GLI2: variants seen among roughly 807,000 people sequenced by gnomAD.
GLI2 encodes the protein transcription activator GLI2.
GLI2 carries 22 observed loss-of-function variants against 78.9 expected under a neutral mutation model. That is an observed-to-expected ratio of 0.28 (90% CI 0.20 to 0.40). GLI2 has a LOEUF of 0.40. Among genes scored for constraint, GLI2 ranks in the 10% least tolerant of loss-of-function variants. GLI2 has a pLI of 1.00. For missense variants in GLI2, 2,097 were observed against 2,213.2 expected (o/e 0.95, Z 1.05); for synonymous variants, 974 against 963.7 (o/e 1.01, Z -0.20).
chr2:120,920,496 C>T (rs1242340234), intron 2 of GLI2, among the ~76,000 whole-genome samples: 1 of 152,218 alleles, frequency 6.6e-6, no homozygotes, highest in Non-Finnish European at 1.5e-5. Context: ...CTGTCCTTGC[C>T]CCCTCACTGC....
intron 2 of GLI2, among the ~76,000 whole-genome samples, chr2:120,882,585 G>C (rs773403904): frequency 7.2e-5 from 11 of 152,234 alleles, no homozygotes; most frequent in Non-Finnish European, 1.3e-4. Flanking sequence ...GGCCTGCTGG[G>C]CTGTCTTTGA....
intron 1 of GLI2, among the ~76,000 whole-genome samples, chr2:120,771,179 A>G (rs563722765): frequency 2.0e-5 from 3 of 152,304 alleles, no homozygotes; most frequent in African/African-American, 4.8e-5. Context: ...TGTGCTCTGC[A>G]TGAGGAGGCG....
intron 2 of GLI2, among the ~76,000 whole-genome samples, chr2:120,914,079 C>G (rs1439778131): frequency 6.6e-6 from 1 of 152,234 alleles, no homozygotes; most frequent in East Asian, 1.9e-4. Flanking sequence ...CCGTGGGGAC[C>G]AGACAGAGGA....
intron 1 of GLI2, among the ~76,000 whole-genome samples, chr2:120,742,454 A>G (rs1396804985): frequency 6.6e-6 from 1 of 152,192 alleles, no homozygotes; most frequent in East Asian, 1.9e-4. Flanking sequence ...CACTTGTGCT[A>G]AGTTGAATTG....
intron 3 of GLI2, among the ~76,000 whole-genome samples, chr2:120,944,901 A>G (rs1239685685): frequency 6.6e-6 from 1 of 152,266 alleles, no homozygotes; most frequent in Non-Finnish European, 1.5e-5. Context: ...CAGCAGCCAC[A>G]GAGTTAACAC....
intron 1 of GLI2, among the ~76,000 whole-genome samples, chr2:120,773,244 AAG>A (rs923720932): frequency 2.0e-5 from 3 of 152,094 alleles, no homozygotes; most frequent in Admixed American, 2.0e-4. Flanking sequence ...AAAGGGGAGA[AAG>A]AGCCAGTCTT....
rs377416912 is a variant in GLI2, at chr2:120,745,643, T to C, written c.-31+9358T>C. Reference sequence around the variant, plus strand: ...ACCATGTGGGGTGGCTTCTGGGGCTTTGATTCATACAGTTTTGCACTGCAG... The same window carrying C: ...ACCATGTGGGGTGGCTTCTGGGGCTCTGATTCATACAGTTTTGCACTGCAG... On this transcript the variant is annotated intron_variant, in intron 1 of 13. Coordinates refer to ENST00000361492, the MANE Select transcript of GLI2 (RefSeq NM_001374353.1). Among the ~76,000 whole-genome samples the C allele has an allele frequency of 1.6e-4, 25 of 152,248 alleles. No homozygotes were observed. In the East Asian group the frequency reaches 4.3e-3, roughly 26 times the overall value.
chr2:120,928,221 C>T lies in GLI2; in HGVS notation c.254+755C>T, dbSNP rs74970931. On this transcript the variant is annotated intron_variant, in intron 3 of 13. Transcript: ENST00000361492. ...GGTCAGCCAGCCCCAAGACCCCTCT[C>T]GACCCAGCATCTTCATGCCCACACC... 2.5e-3 allele frequency among the ~76,000 whole-genome samples: 385 copies of T among 152,224 alleles called. 3 individuals carry two copies. The highest frequency in any genetic ancestry group is 8.8e-3 in the African/African-American group (365 of 41,532).
intron 2 of GLI2, among the ~76,000 whole-genome samples, chr2:120,882,476 A>G (rs555105915): frequency 6.6e-6 from 1 of 152,362 alleles, no homozygotes; most frequent in African/African-American, 2.4e-5. Flanking sequence ...AGTCCCTCCA[A>G]AGCTCTGTGA....
At chr2:120,851,662 G>A (rs111952654) in intron 2 of GLI2, among the ~76,000 whole-genome samples, 2,003 of 152,324 alleles carry the variant, frequency 0.013, 46 homozygotes, top group African/African-American at 0.044. Context: ...CACTGTCCCC[G>A]AACACAGAGG....
chr2:120,794,838 A>G (rs1226659912), intron 1 of GLI2, among the ~76,000 whole-genome samples: 1 of 152,106 alleles, frequency 6.6e-6, no homozygotes, highest in Non-Finnish European at 1.5e-5. Flanking sequence ...TTTCTAGGCC[A>G]AAAGGAGGCC....
chr2:120,899,396 T>TACACACACATACACACACACACAC (rs1678136879), intron 2 of GLI2, among the ~76,000 whole-genome samples: 1 of 110,408 alleles, frequency 9.1e-6, no homozygotes, highest in Non-Finnish European at 1.6e-5. Flanking sequence ...CACTTGTGTG[T>TACACACACATACACACACACACAC]ACACACACAT....
chr2:120,874,193 G>T (rs1688611865), intron 2 of GLI2, among the ~76,000 whole-genome samples: 1 of 152,228 alleles, frequency 6.6e-6, no homozygotes, highest in Non-Finnish European at 1.5e-5. Flanking sequence ...GGTCTGTGCG[G>T]GCTCCGTGGG....
At chr2:120,942,861 CTTT>C (rs1680520949) in intron 3 of GLI2, among the ~76,000 whole-genome samples, 1 of 9,170 alleles carries the variant, frequency 1.1e-4, no homozygotes, top group African/African-American at 1.2e-4. Context: ...TTCACGCCCT[CTTT>C]CATTCATTCA....
At chr2:120,865,475 C>T (rs977216148) in intron 2 of GLI2, among the ~76,000 whole-genome samples, 5 of 152,186 alleles carry the variant, frequency 3.3e-5, no homozygotes, top group East Asian at 3.9e-4. Context: ...AGTTCTCCCC[C>T]GAGGCTGAGG....
intron 2 of GLI2, among the ~76,000 whole-genome samples, chr2:120,826,019 A>G (rs1686038051): frequency 1.3e-5 from 2 of 152,318 alleles, no homozygotes; most frequent in South Asian, 4.1e-4. Flanking sequence ...ACTGCTGGGC[A>G]CGATGGGAGG....
At chr2:120,875,799 A>G (rs1281886996) in intron 2 of GLI2, among the ~76,000 whole-genome samples, 12 of 150,988 alleles carry the variant, frequency 7.9e-5, no homozygotes, top group Non-Finnish European at 1.5e-5. Flanking sequence ...GATGACAGTG[A>G]TGGGGGATGA....
At chr2:120,777,746 G>T (rs1448260139) in intron 1 of GLI2, among the ~76,000 whole-genome samples, 3 of 138,268 alleles carry the variant, frequency 2.2e-5, no homozygotes, top group African/African-American at 5.4e-5. Flanking sequence ...GAGCACAGAA[G>T]CTTGGGGGGT....
At chr2:120,815,383 A>G (rs1475353670) in intron 2 of GLI2, among the ~76,000 whole-genome samples, 2 of 152,148 alleles carry the variant, frequency 1.3e-5, no homozygotes, top group African/African-American at 4.8e-5. Flanking sequence ...GCTGCAGACG[A>G]TTCTGCCCAA....
Sources: gnomAD v4.1 joint callset for allele counts (sites outside exome capture counted in the v4.1 genomes callset) on GRCh38, gnomAD v4.1.1 for gene constraint, MANE v1.5 for transcripts, NCBI Gene and HGNC (gene_info 2026-07-23, HGNC 2026-07-21) for gene names.